NRIP1: variants seen among roughly 807,000 people sequenced by gnomAD.
The protein encoded by NRIP1 is nuclear receptor interacting protein 1, also known as nuclear receptor-interacting protein 1.
In NRIP1, 28 loss-of-function variants were observed where a neutral mutation model predicts 75.0. That is an observed-to-expected ratio of 0.37 (90% CI 0.28 to 0.51). The LOEUF (loss-of-function observed/expected upper bound fraction) is 0.51, where lower values mean the gene tolerates loss of function less well. Among genes scored for constraint, NRIP1 ranks in the 20% least tolerant of loss-of-function variants. The pLI, the probability that NRIP1 is intolerant of heterozygous loss-of-function variation, is 0.92. For missense variants in NRIP1, 1,435 were observed against 1,343.7 expected (o/e 1.07, Z -1.06); for synonymous variants, 526 against 487.6 (o/e 1.08, Z -1.04).
chr21:15,022,786 C>G (rs1339259924), intron 2 of NRIP1, among the ~76,000 whole-genome samples: 2 of 152,234 alleles, frequency 1.3e-5, no homozygotes, highest in South Asian at 4.1e-4. Context: ...TACGACGTGA[C>G]CCAGGAATTC....
intron 2 of NRIP1, among the ~76,000 whole-genome samples, chr21:15,021,739 C>A (rs2088381781): frequency 6.6e-6 from 1 of 151,840 alleles, no homozygotes; most frequent in South Asian, 2.1e-4. Context: ...AAGACATGAA[C>A]AGACAGTTCT....
intron 1 of NRIP1, among the ~76,000 whole-genome samples, chr21:15,056,259 T>C (rs2823029): frequency 0.37 from 55,741 of 150,484 alleles, 12,165 homozygotes; most frequent in African/African-American, 0.62. Flanking sequence ...TAACTTCAAT[T>C]TGTGAAAGCC....
intron 1 of NRIP1, among the ~76,000 whole-genome samples, chr21:15,062,188 C>T (rs1978354234): frequency 6.6e-6 from 1 of 152,238 alleles, no homozygotes; most frequent in Non-Finnish European, 1.5e-5. Flanking sequence ...GGCAACAAAG[C>T]TGCCTCCCTA....
chr21:15,058,317 TA>T (rs2089349002), intron 1 of NRIP1, among the ~76,000 whole-genome samples: 1 of 152,210 alleles, frequency 6.6e-6, no homozygotes, highest in African/African-American at 2.4e-5. Flanking sequence ...CAACTGTGAT[TA>T]ATTTCTCTCA....
chr21:15,010,093 C>G (rs144845680), intron 3 of NRIP1, among the ~76,000 whole-genome samples: 39 of 152,132 alleles, frequency 2.6e-4, no homozygotes, highest in African/African-American at 9.2e-4. Context: ...AGGAAGCAAG[C>G]GAGGTTTGAA....
intron 3 of NRIP1, among the ~76,000 whole-genome samples, chr21:14,994,019 T>C (rs1004250071): frequency 6.6e-6 from 1 of 152,180 alleles, no homozygotes; most frequent in Non-Finnish European, 1.5e-5. Flanking sequence ...TACTATGCCT[T>C]GGTACTTTCA....
intron 1 of NRIP1, among the ~76,000 whole-genome samples, chr21:15,053,706 C>T (rs1427928626): frequency 6.6e-6 from 1 of 152,146 alleles, no homozygotes; most frequent in South Asian, 2.1e-4. Flanking sequence ...CATTTTTCTG[C>T]CCTTTTACTT....
intron 2 of NRIP1, among the ~76,000 whole-genome samples, chr21:15,032,786 T>C (rs2088737142): frequency 6.6e-6 from 1 of 152,006 alleles, no homozygotes; most frequent in African/African-American, 2.4e-5. Context: ...AGCAGAAGGG[T>C]GAGTTAAGAC....
chr21:15,002,803 C>T (rs780614447), intron 3 of NRIP1, among the ~76,000 whole-genome samples: 2 of 152,142 alleles, frequency 1.3e-5, no homozygotes, highest in African/African-American at 2.4e-5. Flanking sequence ...TGCATGGATT[C>T]TTCAGATTTT....
chr21:14,973,418 A>G (rs569647926), intron 3 of NRIP1, among the ~76,000 whole-genome samples: 1 of 152,164 alleles, frequency 6.6e-6, no homozygotes, highest in Non-Finnish European at 1.5e-5. Flanking sequence ...TATGACATGC[A>G]AAGTGAAGAA....
At chr21:15,039,235 T>C (rs539234080) in intron 2 of NRIP1, among the ~76,000 whole-genome samples, 7 of 152,120 alleles carry the variant, frequency 4.6e-5, no homozygotes, top group Non-Finnish European at 2.9e-5. Context: ...ACCAATTTCA[T>C]TTAAGAGTGT....
rs1456290476 is a variant in NRIP1 at position 14,966,486 on chromosome 21, A to AG, written c.1706dup (p.Gln570SerfsTer20). The AG allele has an allele frequency of 6.2e-7, 1 of 1,614,000 alleles. No homozygotes were observed. Among genetic ancestry groups the AG allele is most frequent in the African/African-American group, 1.3e-5 (1 of 74,922 alleles). ...TCCATTTGATGACCAGAGAGTGTTG[A>AG]GAGAGATTGATGGGAGACCCTGCTT... On this transcript the variant is annotated frameshift_variant, in exon 4 of 4. Transcript: ENST00000318948. LOFTEE classifies it high-confidence loss of function.
At chr21:15,053,050 A>G (rs944446901) in intron 1 of NRIP1, among the ~76,000 whole-genome samples, 1 of 152,186 alleles carries the variant, frequency 6.6e-6, no homozygotes, top group Non-Finnish European at 1.5e-5. Flanking sequence ...CCTATTCTCA[A>G]TATTAACAAA....
chr21:14,965,537 C>G lies in NRIP1; in HGVS notation c.2656G>C (p.Ala886Pro). The change falls in exon 4 of 4, where the codon GCC becomes CCC. Residue 886 changes from alanine (A) to proline (P), a missense_variant. Transcript: ENST00000318948. ...NIVDAANNHS[A>P]PEVLYGSLLN... Reference sequence around the variant, plus strand: ...AAGGACCCATACAGTACTTCTGGGGCACTGTGATTGTTTGCAGCATCAACA... The same window carrying G: ...AAGGACCCATACAGTACTTCTGGGGGACTGTGATTGTTTGCAGCATCAACA... 6.2e-7 allele frequency: 1 copy of G among 1,614,002 alleles called. No homozygotes were observed. Among genetic ancestry groups the G allele is most frequent in the Non-Finnish European group, 8.5e-7 (1 of 1,179,934 alleles).
At position 14,968,355 on chromosome 21, in the gene NRIP1, A is replaced by C; in HGVS notation, c.-163T>G. The C allele has an allele frequency of 1.6e-6, 1 of 617,568 alleles. No homozygotes were observed. Among genetic ancestry groups the C allele is most frequent in the East Asian group, 2.8e-5 (1 of 36,030 alleles). The allele number at this position is 617,568 out of a possible 1,614,324, so 38.3% of individuals were successfully genotyped here. On this transcript the variant is annotated 5_prime_UTR_variant, in exon 4 of 4. It adds an upstream start codon to the 5' untranslated region. Coordinates refer to ENST00000318948, the MANE Select transcript of NRIP1 (RefSeq NM_003489.4). ...CATTCTGTCCAAGATTTCTTCTGGC[A>C]ATGACAAGATAAATGCAGTCTGACC... is the stretch of plus-strand genomic sequence containing the variant.
At chr21:14,981,488 A>T (rs17274750) in intron 3 of NRIP1, among the ~76,000 whole-genome samples, 1 of 152,158 alleles carries the variant, frequency 6.6e-6, no homozygotes, top group Non-Finnish European at 1.5e-5. Context: ...TGCCACTCAT[A>T]GTCAGATACA....
At chr21:15,060,044 G>GT (rs1291666677) in intron 1 of NRIP1, among the ~76,000 whole-genome samples, 1 of 151,994 alleles carries the variant, frequency 6.6e-6, no homozygotes, top group East Asian at 1.9e-4. Flanking sequence ...CACAACTTTT[G>GT]TAATTCTTCA....
rs1024747841 is a variant in NRIP1, at chr21:14,968,262, G to A, written c.-70C>T. On this transcript the variant is annotated 5_prime_UTR_variant, in exon 4 of 4. Transcript: ENST00000318948. ...AAGAATGGTTTTCTGTGGTGAGTGCGATGTAACTTTAATAAAGGAGTATCA... is the reference window on the plus strand; with the variant it reads ...AAGAATGGTTTTCTGTGGTGAGTGCAATGTAACTTTAATAAAGGAGTATCA... 9 of 1,031,988 alleles carry A rather than the reference G, an allele frequency of 8.7e-6. No individual in the cohort carries two copies. The highest frequency in any genetic ancestry group is 2.4e-5 in the East Asian group (1 of 41,258). The allele number at this position is 1,031,988 out of a possible 1,614,324, so 63.9% of individuals were successfully genotyped here.
chr21:14,999,657 C>A (rs1019521637), intron 3 of NRIP1, among the ~76,000 whole-genome samples: 1 of 152,130 alleles, frequency 6.6e-6, no homozygotes, highest in Non-Finnish European at 1.5e-5. Flanking sequence ...GCCCAGTGTT[C>A]TCATCAGTTA....
Sources: allele counts gnomAD v4.1 joint callset (sites outside exome capture counted in the v4.1 genomes callset), GRCh38; gene constraint gnomAD v4.1.1; transcripts MANE v1.5; gene names NCBI Gene and HGNC (gene_info 2026-07-23, HGNC 2026-07-21).